ZMYND8: variants seen among roughly 807,000 people sequenced by gnomAD.
ZMYND8 encodes zinc finger MYND-type containing 8.
ZMYND8 carries 37 observed loss-of-function variants against 140.8 expected under a neutral mutation model. The observed-to-expected ratio is 0.26, with a 90% CI of 0.20 to 0.35. The LOEUF is 0.35. ZMYND8 is among the 10% of genes least tolerant of loss of function. ZMYND8 has a pLI of 1.00. For missense variants in ZMYND8, 1,068 were observed against 1,570.0 expected (o/e 0.68, Z 5.40); for synonymous variants, 592 against 597.1 (o/e 0.99, Z 0.12).
intron 2 of ZMYND8, among the ~76,000 whole-genome samples, chr20:47,327,599 T>C (rs796800750): frequency 2.4e-4 from 36 of 151,252 alleles, no homozygotes; most frequent in African/African-American, 8.6e-4. Flanking sequence ...AAGATTGCAC[T>C]GAGCAGAGTT....
chr20:47,279,402 C>A (rs2076459275), intron 10 of ZMYND8, among the ~76,000 whole-genome samples: 1 of 151,986 alleles, frequency 6.6e-6, no homozygotes, highest in Non-Finnish European at 1.5e-5. Flanking sequence ...TGAGCCACTG[C>A]ACTCCAGCCT....
intron 2 of ZMYND8, among the ~76,000 whole-genome samples, chr20:47,331,791 T>C (rs2080968118): frequency 6.6e-6 from 1 of 151,774 alleles, no homozygotes; most frequent in Non-Finnish European, 1.5e-5. Context: ...ATGGAAAACC[T>C]CCCCTGGAAA....
intron 7 of ZMYND8, 65 bp from the exon 8 acceptor site, chr20:47,287,349 T>G (rs1012968966): frequency 7.5e-7 from 1 of 1,333,108 alleles, no homozygotes; most frequent in African/African-American, 1.4e-5. Flanking sequence ...CTGGGGACTT[T>G]ACTTCCGCTA....
intron 9 of ZMYND8, among the ~76,000 whole-genome samples, chr20:47,283,272 T>A (rs572827768): frequency 6.6e-6 from 1 of 152,356 alleles, no homozygotes; most frequent in East Asian, 1.9e-4. Context: ...TCTTATTATC[T>A]GAAAAGCTTT....
At chr20:47,227,975 C>A (rs2037932041) in intron 17 of ZMYND8, among the ~76,000 whole-genome samples, 1 of 152,092 alleles carries the variant, frequency 6.6e-6, no homozygotes, top group Admixed American at 6.6e-5. Flanking sequence ...CGCCTGTAAT[C>A]CCAGCTACTT....
intron 21 of ZMYND8, among the ~76,000 whole-genome samples, chr20:47,218,993 G>A (rs1395007919): frequency 6.6e-6 from 1 of 151,476 alleles, no homozygotes; most frequent in African/African-American, 2.4e-5. Context: ...GAGGCGGGAG[G>A]ATCACTTGAG....
intron 11 of ZMYND8, among the ~76,000 whole-genome samples, chr20:47,274,805 A>C (rs979443128): frequency 6.6e-6 from 1 of 152,246 alleles, no homozygotes. Flanking sequence ...AGCTAGAAGC[A>C]GTTCTTGAAA....
chr20:47,318,918 G>C, intron 2 of ZMYND8: 1 of 1,340,120 alleles, frequency 7.5e-7, no homozygotes, highest in Non-Finnish European at 9.9e-7. Context: ...CAGAACATGC[G>C]AGGGGCAGGG....
chr20:47,345,221 G>A (rs1409348439), intron 2 of ZMYND8, among the ~76,000 whole-genome samples: 1 of 152,106 alleles, frequency 6.6e-6, no homozygotes, highest in East Asian at 1.9e-4. Flanking sequence ...AAGCCTCTTT[G>A]AGGAGCCACC....
At chr20:47,278,764 G>A (rs2076412330) in intron 10 of ZMYND8, among the ~76,000 whole-genome samples, 2 of 152,224 alleles carry the variant, frequency 1.3e-5, no homozygotes, top group East Asian at 3.9e-4. Flanking sequence ...TCCACCAAGA[G>A]GGGCAGAGCA....
rs760621058 is a variant in ZMYND8 at position 47,240,879 on chromosome 20, T to C, written c.2285-1741A>G. 6.6e-5 allele frequency among the ~76,000 whole-genome samples: 10 copies of C among 152,084 alleles called. No individual in the cohort carries two copies. In the South Asian group the frequency reaches 2.1e-3, roughly 32 times the overall value. On this transcript the variant is annotated intron_variant, in intron 14 of 22. Transcript: ENST00000471951. Reference sequence around the variant, plus strand: ...TATTTTATTTTATGTTTTAAAGAGATAGAGTTTTGCTATATCACCCCGGCT... The same window carrying C: ...TATTTTATTTTATGTTTTAAAGAGACAGAGTTTTGCTATATCACCCCGGCT...
intron 14 of ZMYND8, among the ~76,000 whole-genome samples, chr20:47,241,294 C>CA (rs11476591): frequency 0.05 from 3,016 of 60,734 alleles, 74 homozygotes; most frequent in South Asian, 0.085. Context: ...GACTCCGTCT[C>CA]AAAAAAAAAA....
At chr20:47,326,784 T>C (rs559389330) in intron 2 of ZMYND8, among the ~76,000 whole-genome samples, 8 of 152,316 alleles carry the variant, frequency 5.3e-5, no homozygotes, top group Non-Finnish European at 7.4e-5. Context: ...TCAAGAGATA[T>C]TCAGTCTGCT....
intron 10 of ZMYND8, among the ~76,000 whole-genome samples, chr20:47,278,813 C>T (rs2076416811): frequency 6.6e-6 from 1 of 152,086 alleles, no homozygotes; most frequent in African/African-American, 2.4e-5. Context: ...GAGTTTGCCT[C>T]ACGGTGAGAT....
At chr20:47,341,556 C>T (rs1016806655) in intron 2 of ZMYND8, among the ~76,000 whole-genome samples, 1 of 144,060 alleles carries the variant, frequency 6.9e-6, no homozygotes, top group African/African-American at 2.6e-5. Flanking sequence ...GAATCTAGAA[C>T]AAAGACATTC....
chr20:47,292,830 T>C (rs562158816), intron 5 of ZMYND8, among the ~76,000 whole-genome samples: 28 of 151,990 alleles, frequency 1.8e-4, no homozygotes, highest in African/African-American at 6.5e-4. Context: ...GGCAGGAGGA[T>C]CATTTAAGGC....
intron 2 of ZMYND8, among the ~76,000 whole-genome samples, chr20:47,322,354 G>A (rs904304495): frequency 6.6e-6 from 1 of 151,868 alleles, no homozygotes; most frequent in African/African-American, 2.4e-5. Context: ...TTCCTTTGCA[G>A]AAGGGTTTCA....
rs189062374 is a variant in ZMYND8, at chr20:47,301,150, T to A, written c.235-2203A>T. Among the ~76,000 whole-genome samples, 95 of 145,422 alleles carry A rather than the reference T, an allele frequency of 6.5e-4. No homozygotes were observed. The East Asian group carries it at 0.018, about 28-fold the overall frequency. On this transcript the variant is annotated intron_variant, in intron 3 of 22. Coordinates refer to ENST00000471951, the MANE Select transcript of ZMYND8 (RefSeq NM_001281775.3). The stretch of plus-strand genomic sequence containing the variant: ...GCTAATACTTATAAATGTGATTGCA[T>A]AATTCTTTTTTTTTTTTTTTTGAGA...
intron 21 of ZMYND8, among the ~76,000 whole-genome samples, chr20:47,214,239 A>C (rs1270463521): frequency 6.6e-6 from 1 of 152,238 alleles, no homozygotes; most frequent in African/African-American, 2.4e-5. Flanking sequence ...AAACTGAGGA[A>C]GTCTTTTTGC....
Sources: allele counts gnomAD v4.1 joint callset (sites outside exome capture counted in the v4.1 genomes callset), GRCh38; gene constraint gnomAD v4.1.1; transcripts MANE v1.5; gene names NCBI Gene and HGNC (gene_info 2026-07-23, HGNC 2026-07-21).